Variants in EPHB1 observed in about 807,000 individuals in gnomAD.
EPHB1 encodes EPH receptor B1.
Under a neutral mutation model 94.4 loss-of-function variants are expected in EPHB1, and 30 were observed. That is an observed-to-expected ratio of 0.32 (90% CI 0.24 to 0.43). The LOEUF is 0.43. EPHB1 is among the 20% of genes least tolerant of loss of function. The pLI is 1.00. For synonymous variants in EPHB1, 522 were observed against 489.1 expected (o/e 1.07, Z -0.89); for missense variants, 1,055 against 1,308.3 (o/e 0.81, Z 2.99).
At position 135,138,150 on chromosome 3, in the gene EPHB1, A is replaced by G. The variant is rs535517806; in HGVS notation, c.1297+5101A>G. On this transcript the variant is annotated intron_variant, in intron 5 of 15. Coordinates refer to ENST00000398015, the MANE Select transcript of EPHB1 (RefSeq NM_004441.5). ...CATTTATATTACATGCAGTTCATGT[A>G]TGGCCTGCGTGCCACTTCCATGTGG... Among the ~76,000 whole-genome samples the G allele has an allele frequency of 2.1e-4, 32 of 152,370 alleles. 2 individuals are homozygous for G. The South Asian group carries it at 5.0e-3, about 24-fold the overall frequency.
intron 3 of EPHB1, among the ~76,000 whole-genome samples, chr3:135,053,017 GTGTGTGTGTGTATA>G (rs1937231396): frequency 3.7e-5 from 1 of 27,188 alleles, no homozygotes; most frequent in African/African-American, 2.4e-4. Flanking sequence ...ATATATATGT[GTGTGTGTGTGTATA>G]TATATATATA....
At chr3:135,212,301 G>A (rs1943050043) in intron 12 of EPHB1, among the ~76,000 whole-genome samples, 1 of 152,054 alleles carries the variant, frequency 6.6e-6, no homozygotes, top group African/African-American at 2.4e-5. Context: ...GTGGTCCTGG[G>A]ATTAGCATCT....
intron 1 of EPHB1, among the ~76,000 whole-genome samples, chr3:134,874,983 C>T (rs1443503242): frequency 6.6e-6 from 1 of 152,178 alleles, no homozygotes; most frequent in East Asian, 1.9e-4. Context: ...CACTTTGTTA[C>T]CTTTTCCCAT....
chr3:135,034,248 T>G (rs1052964149), intron 3 of EPHB1, among the ~76,000 whole-genome samples: 1 of 152,228 alleles, frequency 6.6e-6, no homozygotes, highest in Admixed American at 6.5e-5. Context: ...CAAAGATATA[T>G]TGACACAATT....
At chr3:135,000,712 C>T (rs1173365438) in intron 3 of EPHB1, among the ~76,000 whole-genome samples, 2 of 152,180 alleles carry the variant, frequency 1.3e-5, no homozygotes, top group Non-Finnish European at 2.9e-5. Context: ...GCCCGTCTTG[C>T]ATGGTTCTGT....
In EPHB1 at chr3:134,987,232, G is replaced by A. The variant is rs537883709; in HGVS notation, c.805+35180G>A. On this transcript the variant is annotated intron_variant, in intron 3 of 15. Coordinates refer to ENST00000398015, the MANE Select transcript of EPHB1 (RefSeq NM_004441.5). The stretch of plus-strand genomic sequence containing the variant: ...GCATTGTCTTAAGTATATTGCGTGC[G>A]TTAATTTATCTAATCATCACAGCTG... 3.7e-4 allele frequency among the ~76,000 whole-genome samples: 57 copies of A among 152,262 alleles called. 1 individual carries two copies. The highest frequency in any genetic ancestry group is 3.4e-3 in the Middle Eastern group (1 of 294).
chr3:135,227,232 C>T (rs1409338023), intron 12 of EPHB1, among the ~76,000 whole-genome samples: 2 of 151,984 alleles, frequency 1.3e-5, no homozygotes, highest in Non-Finnish European at 2.9e-5. Context: ...TACACATGTA[C>T]CCCTAAAATG....
chr3:134,900,706 G>A (rs1183006603), intron 1 of EPHB1, among the ~76,000 whole-genome samples: 1 of 152,072 alleles, frequency 6.6e-6, no homozygotes, highest in Admixed American at 6.6e-5. Flanking sequence ...GTAGGTGTGA[G>A]GAGGACCTGG....
chr3:135,255,175 A>C, intron 15 of EPHB1, among the ~76,000 whole-genome samples: 1 of 151,878 alleles, frequency 6.6e-6, no homozygotes, highest in Non-Finnish European at 1.5e-5. Context: ...TCCTGGATTC[A>C]TTAATTTTTT....
intron 1 of EPHB1, among the ~76,000 whole-genome samples, chr3:134,852,980 C>T (rs1260169562): frequency 6.6e-6 from 1 of 152,134 alleles, no homozygotes. Context: ...TGTCAGAGGG[C>T]AGGTGGGGTC....
chr3:135,259,255 A>T lies in EPHB1; in HGVS notation c.*135A>T, dbSNP rs1933547826. ...ATGCATTTCCATCAGTGAAGAATCA[A>T]CCGGACCTGTTGCTAGCAGGCAATC... On this transcript the variant is annotated 3_prime_UTR_variant, in exon 16 of 16. Transcript: ENST00000398015. 7 of 659,714 alleles carry T rather than the reference A, an allele frequency of 1.1e-5. No homozygotes were observed. The highest frequency in any genetic ancestry group is 1.0e-5 in the Non-Finnish European group (4 of 395,652). 40.9% of individuals were successfully genotyped at this position (659,714 alleles called of 1,614,324 possible). A position where few individuals can be genotyped will look rare whatever the true frequency, so the allele number is the denominator to read the frequency against.
chr3:135,033,485 T>C (rs562185308), intron 3 of EPHB1, among the ~76,000 whole-genome samples: 1 of 152,300 alleles, frequency 6.6e-6, no homozygotes, highest in Admixed American at 6.5e-5. Flanking sequence ...AGTGGGGAAA[T>C]GTTTCAGCTT....
chr3:135,167,088 G>T, intron 9 of EPHB1, 82 bp downstream of exon 9: 2 of 1,516,380 alleles, frequency 1.3e-6, no homozygotes, highest in Non-Finnish European at 1.8e-6. Flanking sequence ...TCTCTTTATA[G>T]CCAGACTGGC....
rs75938059 is a variant in EPHB1 at position 134,930,427 on chromosome 3, A to G, written c.123+4547A>G. Among the ~76,000 whole-genome samples, 104 of 152,366 alleles carry G rather than the reference A, an allele frequency of 6.8e-4. 1 individual carries two copies. The East Asian group carries it at 0.019, about 27-fold the overall frequency. ...TGAACAGAGGAAAAAGGTAACAAACACATTTACAAAGTAACAAATGCCAGG... is the reference window on the plus strand; with the variant it reads ...TGAACAGAGGAAAAAGGTAACAAACGCATTTACAAAGTAACAAATGCCAGG... On this transcript the variant is annotated intron_variant, in intron 2 of 15. Transcript: ENST00000398015.
At chr3:134,987,803 G>A (rs866904846) in intron 3 of EPHB1, among the ~76,000 whole-genome samples, 9 of 151,944 alleles carry the variant, frequency 5.9e-5, no homozygotes, top group Non-Finnish European at 5.9e-5. Flanking sequence ...CAAACCATGT[G>A]AGGACATAGC....
At chr3:134,897,222 G>A (rs1023493395) in intron 1 of EPHB1, among the ~76,000 whole-genome samples, 7 of 152,176 alleles carry the variant, frequency 4.6e-5, no homozygotes, top group African/African-American at 1.4e-4. Flanking sequence ...TTTTGGCCTG[G>A]GGGGCCTTGA....
intron 3 of EPHB1, among the ~76,000 whole-genome samples, chr3:135,102,009 T>A (rs1939052006): frequency 6.6e-6 from 1 of 152,152 alleles, no homozygotes; most frequent in African/African-American, 2.4e-5. Context: ...GCCTGGTGCC[T>A]GGCTAGAAGT....
Position 134,951,755 on chromosome 3 carries a change from C to T in EPHB1, c.508C>T (p.Arg170Trp), listed in dbSNP as rs1330628001. 1.9e-6 allele frequency: 3 copies of T among 1,614,016 alleles called. No individual in the cohort carries two copies. Among genetic ancestry groups the T allele is most frequent in the Non-Finnish European group, 1.7e-6 (2 of 1,179,912 alleles). Residue 170 changes from arginine to tryptophan, a missense_variant, in exon 3 of 16, where the codon CGG (arginine) becomes TGG (tryptophan). By Grantham distance (101) the Arg-to-Trp change is moderately radical. Transcript: ENST00000398015. This position sits in a 1 kb window ranked among gnomAD's most constrained non-coding sequence, Gnocchi z 4.5. Reference protein sequence around the residue: ...TEVRSFGPLTRNGFYLAFQDY... With the variant: ...TEVRSFGPLTWNGFYLAFQDY... ...AGTCAGGAGCTTTGGGCCTCTTACT[C>T]GGAATGGTTTTTACCTCGCTTTTCA...
intron 4 of EPHB1, among the ~76,000 whole-genome samples, chr3:135,128,947 G>A (rs373228695): frequency 6.6e-6 from 1 of 152,110 alleles, no homozygotes; most frequent in Admixed American, 6.5e-5. Flanking sequence ...TACACCGCAG[G>A]GCATGTCTGG....
Sources: allele counts gnomAD v4.1 joint callset (sites outside exome capture counted in the v4.1 genomes callset), GRCh38; gene constraint gnomAD v4.1.1; non-coding constraint Gnocchi (gnomAD v3.1); transcripts MANE v1.5; gene names NCBI Gene and HGNC (gene_info 2026-07-23, HGNC 2026-07-21).